NARS2: variants seen among roughly 807,000 people sequenced by gnomAD.
NARS2 encodes asparaginyl-tRNA synthetase 2, mitochondrial.
In NARS2, 60 loss-of-function variants were observed where a neutral mutation model predicts 62.9. The observed-to-expected ratio is 0.95, with a 90% CI of 0.77 to 1.18. The LOEUF (loss-of-function observed/expected upper bound fraction) is 1.18, where lower values mean the gene tolerates loss of function less well. Ranked by LOEUF, NARS2 falls within the 50% of genes most tolerant of loss-of-function variation. The pLI, the probability that NARS2 is intolerant of heterozygous loss-of-function variation, is 0.00. For missense variants in NARS2, 619 were observed against 576.4 expected, an observed-to-expected ratio of 1.07 and a Z score of -0.76; for synonymous variants, 196 against 200.0, an observed-to-expected ratio of 0.98 and a Z score of 0.17.
intron 11 of NARS2, among the ~76,000 whole-genome samples, chr11:78,464,859 A>C (rs1858550235): frequency 6.6e-6 from 1 of 152,230 alleles, no homozygotes; most frequent in African/African-American, 2.4e-5. Context: ...TTAGCTAGAC[A>C]TAAAGGTTCT....
chr11:78,517,192 GATTCAAAGGGT>G (rs139006567), intron 6 of NARS2, among the ~76,000 whole-genome samples: 2,913 of 152,268 alleles, frequency 0.019, 82 homozygotes, highest in African/African-American at 0.059. Flanking sequence ...TGAGTGAAAG[GATTCAAAGGGT>G]ATGGAACAAG....
At chr11:78,478,157 A>T (rs1167281068) in intron 9 of NARS2, among the ~76,000 whole-genome samples, 2 of 151,648 alleles carry the variant, frequency 1.3e-5, no homozygotes, top group Admixed American at 6.5e-5. Context: ...TTATAGTTAC[A>T]TAGTTAATAG....
rs112389422 is a variant in NARS2, at chr11:78,460,271, AT to A, written c.1164+5604del. Among the ~76,000 whole-genome samples, 848 of 145,010 alleles carry A rather than the reference AT, an allele frequency of 5.8e-3. 7 individuals carry two copies. The highest frequency in any genetic ancestry group is 0.014 in the African/African-American group (546 of 39,576). On this transcript the variant is annotated intron_variant, in intron 11 of 13. Transcript: ENST00000281038. The stretch of plus-strand genomic sequence containing the variant: ...GAAGAGTGACAACATGATTGGGTTA[AT>A]TTTTTTTTTTTTTTAATGGGGATGG...
chr11:78,500,899 C>G (rs1306597807), intron 6 of NARS2, among the ~76,000 whole-genome samples: 1 of 152,104 alleles, frequency 6.6e-6, no homozygotes, highest in African/African-American at 2.4e-5. Context: ...TGAGACTAGC[C>G]TGGGCAACAT....
intron 9 of NARS2, among the ~76,000 whole-genome samples, chr11:78,472,589 T>A (rs539743247): frequency 1.3e-4 from 20 of 152,314 alleles, no homozygotes; most frequent in African/African-American, 4.1e-4. Flanking sequence ...AAACAGCACA[T>A]TTTCATATAA....
chr11:78,476,751 T>C (rs1859116056), intron 9 of NARS2, among the ~76,000 whole-genome samples: 1 of 152,060 alleles, frequency 6.6e-6, no homozygotes, highest in Non-Finnish European at 1.5e-5. Flanking sequence ...CAAGAGGACA[T>C]TTTCCAACCT....
At chr11:78,539,435 TA>T (rs564357606) in intron 5 of NARS2, among the ~76,000 whole-genome samples, 1 of 151,970 alleles carries the variant, frequency 6.6e-6, no homozygotes, top group Non-Finnish European at 1.5e-5. Flanking sequence ...TTCACTGAGA[TA>T]AAAAAAGAAG....
Position 78,566,218 on chromosome 11 carries a change from G to C in NARS2, c.427C>G (p.Pro143Ala). 6.2e-7 allele frequency: 1 copy of C among 1,612,250 alleles called. No homozygotes were observed. Residue 143 changes from proline to alanine, a missense_variant, in exon 4 of 14, where the codon CCT (proline) becomes GCT (alanine). By Grantham distance (27) the Pro-to-Ala change is conservative. Transcript: ENST00000281038. Reference sequence around the variant, plus strand: ...ACGTTAGTCCTACACCTAAAGTGAGGATATTGTCGCAGATACTCCAGAGGA... The same window carrying C: ...ACGTTAGTCCTACACCTAAAGTGAGCATATTGTCGCAGATACTCCAGAGGA... Reference protein sequence around the residue: ...RHPLEYLRQYPHFRCRTNVLG... With the variant: ...RHPLEYLRQYAHFRCRTNVLG...
intron 13 of NARS2, among the ~76,000 whole-genome samples, chr11:78,438,389 C>G (rs7102431): frequency 1 from 152,253 of 152,270 alleles, 76,118 homozygotes; most frequent in Middle Eastern, 1. Context: ...TACGAGGCAG[C>G]GGGAAAGAGT....
intron 4 of NARS2, among the ~76,000 whole-genome samples, chr11:78,563,262 G>A (rs1856614266): frequency 7.4e-6 from 1 of 134,918 alleles, no homozygotes; most frequent in African/African-American, 2.8e-5. Context: ...TCTGTCGCCA[G>A]GTTGGAGTGC....
chr11:78,437,023 C>T (rs1358173566), intron 13 of NARS2, among the ~76,000 whole-genome samples: 1 of 152,170 alleles, frequency 6.6e-6, no homozygotes, highest in Non-Finnish European at 1.5e-5. Context: ...GCAGTGGATC[C>T]TGTCATACAG....
chr11:78,445,707 T>A (rs1376403814), intron 11 of NARS2, among the ~76,000 whole-genome samples: 1 of 152,164 alleles, frequency 6.6e-6, no homozygotes, highest in African/African-American at 2.4e-5. Flanking sequence ...CTTGGCTACT[T>A]GGGAAGCTGA....
intron 5 of NARS2, among the ~76,000 whole-genome samples, chr11:78,536,859 G>A (rs982571045): frequency 6.6e-6 from 1 of 152,276 alleles, no homozygotes; most frequent in Admixed American, 6.5e-5. Context: ...GTCTTGCAAT[G>A]TCCATTCATG....
intron 6 of NARS2, among the ~76,000 whole-genome samples, chr11:78,499,258 AT>A (rs2135349783): frequency 6.6e-6 from 1 of 152,146 alleles, no homozygotes; most frequent in Admixed American, 6.5e-5. Context: ...ACTAGTCAAT[AT>A]TTGTCAAATA....
chr11:78,535,600 C>T lies in NARS2; in HGVS notation c.595-6664G>A, dbSNP rs117495371. Among the ~76,000 whole-genome samples, 958 of 151,218 alleles carry T rather than the reference C, an allele frequency of 6.3e-3. 7 individuals are homozygous for T. Among genetic ancestry groups the T allele is most frequent in the Middle Eastern group, 0.014 (4 of 292 alleles). On this transcript the variant is annotated intron_variant, in intron 5 of 13. Transcript: ENST00000281038. ...TATTTTGTTTGCTTTTAAGATACAG[C>T]AGAAATATAACATTCAGAGATCCAG...
intron 5 of NARS2, among the ~76,000 whole-genome samples, chr11:78,539,173 T>A (rs1303569088): frequency 6.6e-6 from 1 of 151,830 alleles, no homozygotes; most frequent in African/African-American, 2.4e-5. Flanking sequence ...ATTCTTCTAG[T>A]GTCTTAGCGG....
intron 6 of NARS2, among the ~76,000 whole-genome samples, chr11:78,497,489 C>T (rs1860111057): frequency 6.6e-6 from 1 of 152,108 alleles, no homozygotes; most frequent in South Asian, 2.1e-4. Flanking sequence ...TACACCCTTC[C>T]CAAACCACCC....
intron 5 of NARS2, among the ~76,000 whole-genome samples, chr11:78,533,546 T>C (rs1861558000): frequency 6.6e-6 from 1 of 152,226 alleles, no homozygotes; most frequent in Non-Finnish European, 1.5e-5. Flanking sequence ...TTGGCACATT[T>C]AAAATTTCCT....
chr11:78,563,725 G>A (rs1178341826), intron 4 of NARS2, among the ~76,000 whole-genome samples: 3 of 145,820 alleles, frequency 2.1e-5, no homozygotes, highest in African/African-American at 7.6e-5. Context: ...TAGCTACCTG[G>A]GAGGTTGTGG....
Sources: gnomAD v4.1 joint callset for allele counts (sites outside exome capture counted in the v4.1 genomes callset) on GRCh38, gnomAD v4.1.1 for gene constraint, MANE v1.5 for transcripts, NCBI Gene and HGNC (gene_info 2026-07-23, HGNC 2026-07-21) for gene names.